CADM2: variants seen among roughly 807,000 people sequenced by gnomAD.
The protein encoded by CADM2 is immunoglobulin superfamily member 4D.
Under a neutral mutation model 49.8 loss-of-function variants are expected in CADM2, and 12 were observed. The observed-to-expected ratio is 0.24, with a 90% CI of 0.15 to 0.39. The LOEUF is 0.39. Among genes scored for constraint, CADM2 ranks in the 10% least tolerant of loss-of-function variants. The probability of loss-of-function intolerance (pLI) is 1.00; values close to 1 mark genes in which losing one functional copy is unlikely to be tolerated. For missense variants in CADM2, 378 were observed against 492.3 expected (o/e 0.77, Z 2.20); for synonymous variants, 214 against 175.4 (o/e 1.22, Z -1.74).
intron 7 of CADM2, among the ~76,000 whole-genome samples, chr3:85,957,762 G>A (rs1724233470): frequency 6.6e-6 from 1 of 151,774 alleles, no homozygotes; most frequent in African/African-American, 2.4e-5. Flanking sequence ...TGTTAATTTG[G>A]TGGGATAGCT....
intron 1 of CADM2, among the ~76,000 whole-genome samples, chr3:85,572,424 C>A (rs1461033846): frequency 6.6e-6 from 1 of 151,972 alleles, no homozygotes; most frequent in African/African-American, 2.4e-5. Flanking sequence ...CTATAGGGTT[C>A]TCCAGAAAGA....
At chr3:85,157,102 G>C (rs902459196) in intron 1 of CADM2, among the ~76,000 whole-genome samples, 4 of 152,074 alleles carry the variant, frequency 2.6e-5, no homozygotes, top group Non-Finnish European at 5.9e-5. Context: ...GCTTCAAAGA[G>C]AATAAAATAT....
At chr3:85,419,635 C>A (rs1484529805) in intron 1 of CADM2, among the ~76,000 whole-genome samples, 3 of 152,092 alleles carry the variant, frequency 2.0e-5, no homozygotes, top group African/African-American at 7.2e-5. Flanking sequence ...TTCTCTTCTC[C>A]CTACTCCTAC....
At chr3:85,092,006 T>G (rs1337758703) in intron 1 of CADM2, among the ~76,000 whole-genome samples, 3 of 152,208 alleles carry the variant, frequency 2.0e-5, no homozygotes, top group Non-Finnish European at 4.4e-5. Flanking sequence ...TTAATTAAAT[T>G]TAACACTTCA....
At chr3:85,566,551 C>T (rs1443043852) in intron 1 of CADM2, among the ~76,000 whole-genome samples, 4 of 151,948 alleles carry the variant, frequency 2.6e-5, no homozygotes, top group East Asian at 3.9e-4. Context: ...AAACTCTCAG[C>T]GTGTGGAGAT....
intron 1 of CADM2, among the ~76,000 whole-genome samples, chr3:85,443,873 G>A (rs1319972575): frequency 6.6e-6 from 1 of 152,034 alleles, no homozygotes; most frequent in Admixed American, 6.6e-5. Context: ...TCTTGCTCAG[G>A]TATTTCGGTT....
At chr3:85,285,701 A>G (rs1431203446) in intron 1 of CADM2, among the ~76,000 whole-genome samples, 2 of 152,070 alleles carry the variant, frequency 1.3e-5, no homozygotes, top group Non-Finnish European at 2.9e-5. Context: ...GATACCACTA[A>G]GAAGATCAGT....
intron 1 of CADM2, among the ~76,000 whole-genome samples, chr3:85,174,093 C>G (rs141205815): frequency 2.5e-4 from 38 of 152,254 alleles, no homozygotes; most frequent in Non-Finnish European, 5.9e-5. Context: ...TGGGCTCACT[C>G]TGTTCCAGCG....
At chr3:86,039,584 T>C (rs553202436) in intron 8 of CADM2, among the ~76,000 whole-genome samples, 1 of 152,092 alleles carries the variant, frequency 6.6e-6, no homozygotes, top group Admixed American at 6.5e-5. Context: ...AAAGCAACCT[T>C]GAAGCTCGAA....
At chr3:85,894,250 A>G (rs1476839932) in intron 5 of CADM2, among the ~76,000 whole-genome samples, 5 of 152,184 alleles carry the variant, frequency 3.3e-5, no homozygotes, top group Non-Finnish European at 7.3e-5. Context: ...TGCAATGACA[A>G]AAAACCAAAC....
intron 1 of CADM2, among the ~76,000 whole-genome samples, chr3:85,018,480 C>T (rs1347500116): frequency 2.6e-5 from 4 of 152,028 alleles, no homozygotes; most frequent in Non-Finnish European, 5.9e-5. Context: ...AGGGTTCAAG[C>T]GATTCTCATG....
At chr3:85,645,295 TTGC>T (rs2064849189) in intron 1 of CADM2, among the ~76,000 whole-genome samples, 5 of 152,226 alleles carry the variant, frequency 3.3e-5, no homozygotes, top group African/African-American at 1.2e-4. Flanking sequence ...GACAAAATTG[TTGC>T]AGCAGTTAAA....
chr3:86,009,894 T>C (rs1731284462), intron 8 of CADM2, among the ~76,000 whole-genome samples: 1 of 151,916 alleles, frequency 6.6e-6, no homozygotes, highest in Non-Finnish European at 1.5e-5. Context: ...AAATGCATTA[T>C]GTCATATGAT....
At chr3:85,503,954 G>A (rs1259830759) in intron 1 of CADM2, among the ~76,000 whole-genome samples, 3 of 152,200 alleles carry the variant, frequency 2.0e-5, no homozygotes, top group African/African-American at 4.8e-5. Flanking sequence ...TGCAGATTGT[G>A]ATCCATTAGT....
At chr3:85,468,262 G>A (rs1183532453) in intron 1 of CADM2, among the ~76,000 whole-genome samples, 1 of 151,054 alleles carries the variant, frequency 6.6e-6, no homozygotes, top group Non-Finnish European at 1.5e-5. Flanking sequence ...GTCTGCATGG[G>A]TTTTCTGCAG....
intron 8 of CADM2, among the ~76,000 whole-genome samples, chr3:86,009,659 T>C (rs947374791): frequency 4.6e-5 from 7 of 151,910 alleles, no homozygotes; most frequent in African/African-American, 1.4e-4. Context: ...ACATAAAAGC[T>C]TCTTTCTCCC....
intron 8 of CADM2, among the ~76,000 whole-genome samples, chr3:86,037,452 C>A (rs1735308198): frequency 6.6e-6 from 1 of 152,108 alleles, no homozygotes; most frequent in Non-Finnish European, 1.5e-5. Flanking sequence ...GGGGGCAGGG[C>A]AAGCACTAAA....
At chr3:85,712,037 C>A in intron 1 of CADM2, among the ~76,000 whole-genome samples, 1 of 152,146 alleles carries the variant, frequency 6.6e-6, no homozygotes, top group East Asian at 1.9e-4. Flanking sequence ...GAATGTATTT[C>A]TGTACTTGAC....
At chr3:85,673,693 A>G (rs968959076) in intron 1 of CADM2, among the ~76,000 whole-genome samples, 8 of 152,080 alleles carry the variant, frequency 5.3e-5, no homozygotes, top group Admixed American at 5.2e-4. Flanking sequence ...AGAGAAAGAA[A>G]GAAGTAAGGA....
Sources: gnomAD v4.1 joint callset for allele counts (sites outside exome capture counted in the v4.1 genomes callset) on GRCh38, gnomAD v4.1.1 for gene constraint, MANE v1.5 for transcripts, NCBI Gene and HGNC (gene_info 2026-07-23, HGNC 2026-07-21) for gene names.